Variants in MRPL39 observed in about 807,000 individuals in gnomAD.
MRPL39 encodes the protein mitochondrial ribosomal protein L39.
Under a neutral mutation model 44.5 loss-of-function variants are expected in MRPL39, and 35 were observed. That is an observed-to-expected ratio of 0.79 (90% CI 0.60 to 1.04). MRPL39 has a LOEUF of 1.04. MRPL39 is among the 50% of genes least tolerant of loss of function. The probability of loss-of-function intolerance (pLI) is 0.00; values close to 1 mark genes in which losing one functional copy is unlikely to be tolerated. For synonymous variants in MRPL39, 139 were observed against 136.1 expected (o/e 1.02, Z -0.15); for missense variants, 433 against 413.5 (o/e 1.05, Z -0.41).
chr21:25,593,041 C>A (rs1398719225), intron 7 of MRPL39, 76 bp from the exon 8 acceptor site: 4 of 1,272,806 alleles, frequency 3.1e-6, no homozygotes, highest in Non-Finnish European at 4.3e-6. Flanking sequence ...AAATCTCTTC[C>A]TTCTCTTTGC....
intron 6 of MRPL39, among the ~76,000 whole-genome samples, chr21:25,596,582 G>A (rs2031367766): frequency 6.6e-6 from 1 of 151,904 alleles, no homozygotes; most frequent in African/African-American, 2.4e-5. Context: ...ATCCCTATGA[G>A]AATTTGTAAT....
rs1397168182 is a variant in MRPL39 at position 25,585,716 on chromosome 21, T to C, written c.1008A>G (p.Thr336=). ...AAATTTTAGAAAGTTATTAGGTAGA[T>C]GTACATTCCTCTGTTGCTTTACTTT... The part of the protein sequence containing the change: ...EDQSKATEEC[T]ST Residue 336 remains threonine, a synonymous_variant, in exon 10 of 10, where the codon ACA becomes ACG. Transcript: ENST00000352957. 4 of 1,551,790 alleles carry C rather than the reference T, an allele frequency of 2.6e-6. No homozygotes were observed. The highest frequency in any genetic ancestry group is 2.3e-5 in the East Asian group (1 of 43,676).
At chr21:25,586,561 G>A (rs2031003292) in intron 9 of MRPL39, among the ~76,000 whole-genome samples, 1 of 152,160 alleles carries the variant, frequency 6.6e-6, no homozygotes, top group Non-Finnish European at 1.5e-5. Context: ...TCAGTGGGGT[G>A]GAGGAGGAAA....
At chr21:25,586,326 A>G (rs992721757) in intron 9 of MRPL39, among the ~76,000 whole-genome samples, 26 of 152,130 alleles carry the variant, frequency 1.7e-4, no homozygotes, top group African/African-American at 5.3e-4. Flanking sequence ...TCCTACCTGC[A>G]TATTCCATCA....
At chr21:25,589,306 A>C (rs1252669634) in intron 8 of MRPL39, among the ~76,000 whole-genome samples, 1 of 152,230 alleles carries the variant, frequency 6.6e-6, no homozygotes, top group Non-Finnish European at 1.5e-5. Flanking sequence ...ATAAGCAATC[A>C]CAAGAAGACA....
chr21:25,587,480 T>C (rs1382252237), intron 9 of MRPL39, among the ~76,000 whole-genome samples: 2 of 152,172 alleles, frequency 1.3e-5, no homozygotes, highest in Non-Finnish European at 2.9e-5. Flanking sequence ...AAAGACTAGG[T>C]TTATATATCA....
chr21:25,592,317 T>C (rs1429059237), intron 8 of MRPL39, among the ~76,000 whole-genome samples: 1 of 152,214 alleles, frequency 6.6e-6, no homozygotes, highest in Non-Finnish European at 1.5e-5. Context: ...TACTGCAAGA[T>C]GCTACCATTG....
rs754903841 is a variant in MRPL39, at chr21:25,593,916, AG to A, written c.743del (p.Pro248LeufsTer4). On this transcript the variant is annotated frameshift_variant, in exon 7 of 10. Coordinates refer to ENST00000352957, the MANE Select transcript of MRPL39 (RefSeq NM_017446.4). LOFTEE classifies it high-confidence loss of function. ...ACCTGTGTAGCTTGACTATTCTCTCAGGGTTCTGAGATGCCTTCTCTTCTAT... is the reference window on the plus strand; with the variant it reads ...ACCTGTGTAGCTTGACTATTCTCTCAGGTTCTGAGATGCCTTCTCTTCTAT... Reference protein sequence around the residue: ...DFIEEKASQNPERIVKLHRIG... With the variant: ...DFIEEKASQNXERIVKLHRIG... 2 of 1,613,812 alleles carry A rather than the reference AG, an allele frequency of 1.2e-6. No individual in the cohort carries two copies. Among genetic ancestry groups the A allele is most frequent in the South Asian group, 2.2e-5 (2 of 91,060 alleles).
chr21:25,604,258 C>G (rs1461199542), intron 2 of MRPL39, among the ~76,000 whole-genome samples: 3 of 151,610 alleles, frequency 2.0e-5, no homozygotes, highest in African/African-American at 7.3e-5. Context: ...GACTCTGTCT[C>G]AAAAATAAAT....
At chr21:25,603,676 A>AG in intron 3 of MRPL39, 120 bp downstream of exon 3, 1 of 1,033,706 alleles carries the variant, frequency 9.7e-7, no homozygotes, top group Non-Finnish European at 1.4e-6. Context: ...CATTGACTAA[A>AG]GAGTACGATA....
upstream of MRPL39, chr21:25,607,565 T>C: frequency 1.5e-6 from 2 of 1,347,296 alleles, no homozygotes; most frequent in Non-Finnish European, 2.0e-6. Context: ...AGGACAGGTC[T>C]GTTCCGGACC....
chr21:25,596,676 T>G (rs202037508), intron 6 of MRPL39, among the ~76,000 whole-genome samples: 1 of 3,710 alleles, frequency 2.7e-4, no homozygotes, highest in Non-Finnish European at 5.3e-3. Context: ...ACTCTGTTAT[T>G]TTTTTTTTTT....
At chr21:25,594,860 G>C (rs146598680) in intron 6 of MRPL39, among the ~76,000 whole-genome samples, 1 of 151,894 alleles carries the variant, frequency 6.6e-6, no homozygotes, top group African/African-American at 2.4e-5. Flanking sequence ...CTCTTTCCCC[G>C]CCCAAACTTG....
At position 25,592,854 on chromosome 21, in the gene MRPL39, G is replaced by A. The variant is rs376089561; in HGVS notation, c.879C>T (p.Leu293=). ...VHNLQPTQPS[L]IRRFQGVSLP... ...AAGACACGCCCTGGAATCTTCGTAT[G>A]AGACTTGGCTGGGTGGGTTGAAGAT... is the stretch of plus-strand genomic sequence containing the variant. The change falls in exon 8 of 10, where the codon CTC becomes CTT. Residue 293 remains leucine, a synonymous_variant. Coordinates refer to ENST00000352957, the MANE Select transcript of MRPL39 (RefSeq NM_017446.4). 3.5e-5 allele frequency: 56 copies of A among 1,612,662 alleles called. No homozygotes were observed. The highest frequency in any genetic ancestry group is 2.7e-5 in the African/African-American group (2 of 74,898).
intron 4 of MRPL39, among the ~76,000 whole-genome samples, chr21:25,600,232 C>T (rs912245454): frequency 6.6e-6 from 1 of 151,812 alleles, no homozygotes; most frequent in African/African-American, 2.4e-5. Flanking sequence ...CCCATCTCTA[C>T]CAGAAATATA....
chr21:25,597,733 T>C (rs1031176871), intron 5 of MRPL39, among the ~76,000 whole-genome samples: 2 of 152,188 alleles, frequency 1.3e-5, no homozygotes, highest in South Asian at 2.1e-4. Flanking sequence ...ATTAAAACTA[T>C]GATGCAGCAA....
In MRPL39 at chr21:25,606,460, C is replaced by T; in HGVS notation, c.269G>A (p.Ser90Asn). ...VMNKNISTPY[S>N]CAMHLSEWYC... ...ATTCTGCTACTTACGCATGGCACAA[C>T]TGTAGGGAGTTGAAATGTTTTTATT... is the stretch of plus-strand genomic sequence containing the variant. Residue 90 changes from serine to asparagine, a missense_variant, in exon 2 of 10, where the codon AGT (serine) becomes AAT (asparagine). Physicochemically the swap from Ser to Asn is conservative, Grantham distance 46 (BLOSUM62 1). Transcript: ENST00000352957. 6.2e-7 allele frequency: 1 copy of T among 1,607,204 alleles called. No homozygotes were observed. The highest frequency in any genetic ancestry group is 8.5e-7 in the Non-Finnish European group (1 of 1,176,418).
At chr21:25,601,585 T>C (rs1235837761) in intron 3 of MRPL39, 118 bp from the exon 4 acceptor site, 2 of 587,014 alleles carry the variant, frequency 3.4e-6, no homozygotes, top group Non-Finnish European at 5.3e-6. Flanking sequence ...CATATATCTC[T>C]GTTCACACAA....
rs760190585 is a variant in MRPL39, at chr21:25,601,339, TCACAAAAAGACATATATGTATA to T, written c.520+7_520+28del. ...AAATAGGTACCAAAATATTTAAGGA[TCACAAAAAGACATATATGTATA>T]CACTACCAGGAACTTCTGGAGCTCT... is the stretch of plus-strand genomic sequence containing the variant. On this transcript the variant is annotated splice_region_variant and intron_variant, in intron 4 of 9. Coordinates refer to ENST00000352957, the MANE Select transcript of MRPL39 (RefSeq NM_017446.4). 1.5e-6 allele frequency: 2 copies of T among 1,317,732 alleles called. No homozygotes were observed. Among genetic ancestry groups the T allele is most frequent in the Non-Finnish European group, 2.1e-6 (2 of 969,720 alleles). The allele number at this position is 1,317,732 out of a possible 1,614,324, so 81.6% of individuals were successfully genotyped here. A position where few individuals can be genotyped will look rare whatever the true frequency, so the allele number is the denominator to read the frequency against.
Sources: allele counts gnomAD v4.1 joint callset (sites outside exome capture counted in the v4.1 genomes callset), GRCh38; gene constraint gnomAD v4.1.1; transcripts MANE v1.5; gene names NCBI Gene and HGNC (gene_info 2026-07-23, HGNC 2026-07-21).